The following ZNF407 variants were observed in gnomAD, a reference collection of about 807,000 sequenced individuals.
ZNF407 encodes zinc finger protein 407.
ZNF407 carries 17 observed loss-of-function variants against 131.2 expected under a neutral mutation model. The ratio of observed to expected loss-of-function variants is 0.13; its 90% confidence interval spans 0.09 to 0.19. The LOEUF (loss-of-function observed/expected upper bound fraction) is 0.19. Among genes scored for constraint, ZNF407 ranks in the 10% least tolerant of loss-of-function variants. ZNF407 has a pLI of 1.00. For synonymous variants in ZNF407, 1,156 were observed against 1,062.0 expected, an observed-to-expected ratio of 1.09 and a Z score of -1.72; for missense variants, 2,681 against 2,830.6, an observed-to-expected ratio of 0.95 and a Z score of 1.20.
chr18:74,920,806 T>C (rs1406314563), intron 8 of ZNF407, 114 bp downstream of exon 8: 1 of 1,361,442 alleles, frequency 7.3e-7, no homozygotes, highest in African/African-American at 1.5e-5. Flanking sequence ...GAGTATGTGA[T>C]AGTATCTGCT....
chr18:75,042,861 G>A (rs983187692), intron 8 of ZNF407, among the ~76,000 whole-genome samples: 1 of 152,102 alleles, frequency 6.6e-6, no homozygotes, highest in Non-Finnish European at 1.5e-5. Context: ...CATTCCCATT[G>A]CTGCACATCC....
chr18:74,777,493 C>T (rs1214322332), intron 3 of ZNF407, among the ~76,000 whole-genome samples: 1 of 152,114 alleles, frequency 6.6e-6, no homozygotes, highest in East Asian at 1.9e-4. Context: ...GTTCAGTAGG[C>T]TTCCTCATGA....
intron 4 of ZNF407, among the ~76,000 whole-genome samples, chr18:74,786,087 A>T (rs1969706246): frequency 6.6e-6 from 1 of 152,218 alleles, no homozygotes; most frequent in African/African-American, 2.4e-5. Flanking sequence ...ATTAGAAGAT[A>T]TTCTATTCAT....
At chr18:74,686,235 C>A (rs956339865) in intron 3 of ZNF407, among the ~76,000 whole-genome samples, 1 of 152,146 alleles carries the variant, frequency 6.6e-6, no homozygotes, top group Non-Finnish European at 1.5e-5. Context: ...AGGTTTAGAA[C>A]TCCCTCCTTC....
intron 8 of ZNF407, among the ~76,000 whole-genome samples, chr18:75,002,707 A>T (rs1042605498): frequency 4.0e-5 from 6 of 151,464 alleles, no homozygotes; most frequent in Non-Finnish European, 7.4e-5. Flanking sequence ...CGGGAGACTG[A>T]GGCAGGAGAA....
chr18:74,628,218 A>T (rs191094003), intron 1 of ZNF407, among the ~76,000 whole-genome samples: 7 of 152,298 alleles, frequency 4.6e-5, no homozygotes, highest in Admixed American at 3.9e-4. Flanking sequence ...ATTTTCAAAT[A>T]CTTTTATATT....
At chr18:75,009,852 C>A (rs1463321030) in intron 8 of ZNF407, among the ~76,000 whole-genome samples, 1 of 152,198 alleles carries the variant, frequency 6.6e-6, no homozygotes, top group African/African-American at 2.4e-5. Context: ...AATAGACACA[C>A]CCTATTTCAA....
intron 7 of ZNF407, among the ~76,000 whole-genome samples, chr18:74,901,985 T>A (rs536783189): frequency 6.6e-6 from 1 of 151,878 alleles, no homozygotes; most frequent in Admixed American, 6.6e-5. Flanking sequence ...CAAAGCGACA[T>A]GATAAGTGAG....
Position 74,631,608 on chromosome 18 carries a change from T to C in ZNF407, c.589T>C (p.Ser197Pro), listed in dbSNP as rs1182156008. 1 of 1,613,876 alleles carries C rather than the reference T, an allele frequency of 6.2e-7. No individual in the cohort carries two copies. The highest frequency in any genetic ancestry group is 8.5e-7 in the Non-Finnish European group (1 of 1,179,888). The change falls in exon 2 of 9, where the codon TCT becomes CCT. Residue 197 changes from serine (S) to proline (P), a missense_variant. Physicochemically the swap from Ser to Pro is moderately conservative, Grantham distance 74 (BLOSUM62 -1). Around this residue, in one of 6 missense-constraint regions of ZNF407, gnomAD observed 1,789 missense variants for 1,748.7 expected, o/e 1.02. Transcript: ENST00000299687. The stretch of plus-strand genomic sequence containing the variant: ...CAGCATCTGTGGGCATTTGTTTTCT[T>C]CTTGCTCTGACTTGGAAAAACATGC... ...KCSICGHLFS[S>P]CSDLEKHAES...
At chr18:74,611,229 G>T (rs928444278) in intron 1 of ZNF407, among the ~76,000 whole-genome samples, 20 of 152,158 alleles carry the variant, frequency 1.3e-4, no homozygotes, top group African/African-American at 4.3e-4. Flanking sequence ...TATAGGAAAG[G>T]GGTCTTAAAA....
rs142040502 is a variant in ZNF407, at chr18:74,985,783, C to T, written c.5428+65091C>T. Among the ~76,000 whole-genome samples the T allele has an allele frequency of 5.6e-3, 858 of 152,212 alleles. 6 individuals carry two copies. The highest frequency in any genetic ancestry group is 0.017 in the Middle Eastern group (5 of 294). ...AGGGTAGTACAAAAAACTGTCATTG[C>T]TTGACAGTGAAACAGGAAGGAAGCA... On this transcript the variant is annotated intron_variant, in intron 8 of 8. Coordinates refer to ENST00000299687, the MANE Select transcript of ZNF407 (RefSeq NM_017757.3).
intron 8 of ZNF407, among the ~76,000 whole-genome samples, chr18:74,926,806 G>GTAAA (rs1372943247): frequency 6.6e-6 from 1 of 152,074 alleles, no homozygotes; most frequent in African/African-American, 2.4e-5. Context: ...CTGTCTCAAG[G>GTAAA]TAAATAAATA....
chr18:74,916,538 T>A (rs1190008032), intron 7 of ZNF407, among the ~76,000 whole-genome samples: 1 of 119,632 alleles, frequency 8.4e-6, no homozygotes, highest in African/African-American at 3.7e-5. Context: ...TGTGCAGCAT[T>A]GGTTCGAATC....
At chr18:74,737,999 G>T (rs896901488) in intron 3 of ZNF407, among the ~76,000 whole-genome samples, 2 of 152,104 alleles carry the variant, frequency 1.3e-5, no homozygotes, top group Admixed American at 6.6e-5. Context: ...ATTTTGTGAG[G>T]ATTTGAAGAT....
chr18:74,888,924 C>A (rs1239869047), intron 6 of ZNF407, among the ~76,000 whole-genome samples: 2 of 152,218 alleles, frequency 1.3e-5, no homozygotes, highest in Non-Finnish European at 2.9e-5. Context: ...CACGTTCACA[C>A]ACACACATAG....
chr18:74,671,431 G>A (rs1986136413), intron 3 of ZNF407, among the ~76,000 whole-genome samples: 1 of 151,770 alleles, frequency 6.6e-6, no homozygotes, highest in Non-Finnish European at 1.5e-5. Context: ...ATGTCACGGG[G>A]GTTTGTTGTA....
At chr18:75,051,393 C>T (rs1973499180) in intron 8 of ZNF407, among the ~76,000 whole-genome samples, 1 of 152,144 alleles carries the variant, frequency 6.6e-6, no homozygotes, top group Admixed American at 6.5e-5. Context: ...TACTAGTAGT[C>T]ATGCAACTGA....
At chr18:74,826,607 T>A (rs1178341271) in intron 4 of ZNF407, among the ~76,000 whole-genome samples, 3 of 152,150 alleles carry the variant, frequency 2.0e-5, no homozygotes, top group Non-Finnish European at 4.4e-5. Context: ...GTCAGTAATT[T>A]TAATATTTTC....
intron 3 of ZNF407, among the ~76,000 whole-genome samples, chr18:74,769,886 G>A (rs541912480): frequency 1.3e-5 from 2 of 152,292 alleles, no homozygotes; most frequent in East Asian, 3.9e-4. Context: ...CCTGAAACTA[G>A]GCCTATACCT....
Sources: allele counts gnomAD v4.1 joint callset (sites outside exome capture counted in the v4.1 genomes callset), GRCh38; gene constraint gnomAD v4.1.1; regional missense constraint gnomAD v4.1.1; transcripts MANE v1.5; gene names NCBI Gene and HGNC (gene_info 2026-07-23, HGNC 2026-07-21).